Variants in OPCML observed in about 807,000 individuals in gnomAD.
OPCML encodes opioid binding protein/cell adhesion molecule like.
In OPCML, 13 loss-of-function variants were observed where a neutral mutation model predicts 37.8. That is an observed-to-expected ratio of 0.34 (90% CI 0.22 to 0.55). OPCML has a LOEUF of 0.55. OPCML is among the 20% of genes least tolerant of loss of function. The pLI, the probability that OPCML is intolerant of heterozygous loss-of-function variation, is 0.91. For synonymous variants in OPCML, 176 were observed against 168.8 expected (o/e 1.04, Z -0.33); for missense variants, 341 against 435.6 (o/e 0.78, Z 1.93).
chr11:132,825,142 T>C (rs1344884648), intron 2 of OPCML, among the ~76,000 whole-genome samples: 1 of 152,256 alleles, frequency 6.6e-6, no homozygotes, highest in Non-Finnish European at 1.5e-5. Flanking sequence ...ATGAACCTCA[T>C]GATGGTAGTC....
At chr11:132,456,678 G>A (rs60761902) in intron 4 of OPCML, among the ~76,000 whole-genome samples, 1 of 152,232 alleles carries the variant, frequency 6.6e-6, no homozygotes, top group African/African-American at 2.4e-5. Context: ...AAGGCATCAG[G>A]TGTGGGAGAA....
At chr11:132,756,077 G>C (rs1946032395) in intron 2 of OPCML, among the ~76,000 whole-genome samples, 1 of 152,206 alleles carries the variant, frequency 6.6e-6, no homozygotes. Context: ...CAGTTGCTGT[G>C]CTCCAAACTC....
chr11:133,510,574 T>C (rs528968085), intron 1 of OPCML, among the ~76,000 whole-genome samples: 2 of 152,314 alleles, frequency 1.3e-5, no homozygotes, highest in African/African-American at 4.8e-5. Context: ...ATGGAATCTG[T>C]ACTTTAATAG....
At chr11:132,700,861 T>A (rs914978214) in intron 2 of OPCML, among the ~76,000 whole-genome samples, 1 of 152,166 alleles carries the variant, frequency 6.6e-6, no homozygotes, top group Non-Finnish European at 1.5e-5. Context: ...GGATGATCTA[T>A]CTATCGTTGA....
rs1458760864 is a variant in OPCML, at chr11:132,951,707, G to A, written c.62-8697C>T. 2.0e-5 allele frequency among the ~76,000 whole-genome samples: 3 copies of A among 152,326 alleles called. No individual in the cohort carries two copies. In the East Asian group the frequency reaches 5.8e-4, roughly 29 times the overall value. On this transcript the variant is annotated intron_variant, in intron 1 of 7. Coordinates refer to ENST00000524381, the MANE Select transcript of OPCML (RefSeq NM_001012393.5). The stretch of plus-strand genomic sequence containing the variant: ...CAAGTTTCTTCTCTGAAGTATCTCT[G>A]TGGGCAGATAAGCTGTACAGAGCAA...
At chr11:133,003,934 T>G in intron 1 of OPCML, 1 of 985,426 alleles carries the variant, frequency 1.0e-6, no homozygotes, top group Non-Finnish European at 1.2e-6. Flanking sequence ...TCACACAGGC[T>G]GGCAGCACCC....
At chr11:132,514,116 T>C (rs561929508) in intron 4 of OPCML, among the ~76,000 whole-genome samples, 2 of 152,348 alleles carry the variant, frequency 1.3e-5, no homozygotes, top group South Asian at 2.1e-4. Flanking sequence ...TACTTGCTTA[T>C]TTATTTTTGT....
chr11:133,128,394 G>A (rs1363978842), intron 1 of OPCML, among the ~76,000 whole-genome samples: 1 of 152,054 alleles, frequency 6.6e-6, no homozygotes, highest in Non-Finnish European at 1.5e-5. Flanking sequence ...GTAAAAAGTA[G>A]GAGGGATGAA....
In OPCML at chr11:133,036,894, A is replaced by G. The variant is rs573951243; in HGVS notation, c.62-93884T>C. Among the ~76,000 whole-genome samples, 5 of 152,144 alleles carry G rather than the reference A, an allele frequency of 3.3e-5. No homozygotes were observed. In the East Asian group the frequency reaches 9.7e-4, roughly 29 times the overall value. ...CATCTATTCCTCCTTCTCTTTCATAATCCATTTGCTGCACTTCACTCCCTC... is the reference window on the plus strand; with the variant it reads ...CATCTATTCCTCCTTCTCTTTCATAGTCCATTTGCTGCACTTCACTCCCTC... On this transcript the variant is annotated intron_variant, in intron 1 of 7. Transcript: ENST00000524381.
At chr11:133,325,660 A>G (rs1943433234) in intron 1 of OPCML, among the ~76,000 whole-genome samples, 1 of 152,178 alleles carries the variant, frequency 6.6e-6, no homozygotes. Flanking sequence ...TGTCCTAAGA[A>G]CCCATTATCA....
chr11:132,551,719 C>G (rs2096382070), intron 3 of OPCML, among the ~76,000 whole-genome samples: 1 of 152,152 alleles, frequency 6.6e-6, no homozygotes, highest in Non-Finnish European at 1.5e-5. Context: ...ATCTTCGACA[C>G]AATTTGTCAG....
intron 3 of OPCML, among the ~76,000 whole-genome samples, chr11:132,607,924 A>T (rs1246177452): frequency 1.3e-5 from 2 of 152,184 alleles, no homozygotes; most frequent in African/African-American, 4.8e-5. Context: ...TAGAGGAAAT[A>T]AGAGCAAGTG....
At chr11:132,533,373 G>A (rs2137317429) in intron 3 of OPCML, among the ~76,000 whole-genome samples, 1 of 152,266 alleles carries the variant, frequency 6.6e-6, no homozygotes, top group South Asian at 2.1e-4. Context: ...TAGAAATATA[G>A]CAAGACAGAT....
intron 1 of OPCML, among the ~76,000 whole-genome samples, chr11:133,076,561 G>A (rs959441): frequency 2.6e-5 from 4 of 152,098 alleles, no homozygotes; most frequent in Non-Finnish European, 4.4e-5. Flanking sequence ...CGCAAGCGGC[G>A]GTCCAGACTT....
chr11:133,457,344 C>T (rs1436500212), intron 1 of OPCML, among the ~76,000 whole-genome samples: 1 of 152,058 alleles, frequency 6.6e-6, no homozygotes, highest in Non-Finnish European at 1.5e-5. Flanking sequence ...CTAGCCTGGG[C>T]AGCATAGTGA....
At chr11:132,556,788 C>G (rs1472884639) in intron 3 of OPCML, among the ~76,000 whole-genome samples, 2 of 152,160 alleles carry the variant, frequency 1.3e-5, no homozygotes, top group Non-Finnish European at 2.9e-5. Flanking sequence ...CCTCTCCAAA[C>G]CTACTCCTGA....
intron 1 of OPCML, among the ~76,000 whole-genome samples, chr11:133,493,660 G>T (rs1361772022): frequency 6.6e-6 from 1 of 151,878 alleles, no homozygotes; most frequent in African/African-American, 2.4e-5. Context: ...CATCATTGCA[G>T]TCATCTTAAT....
chr11:132,872,666 A>C (rs916205376), intron 2 of OPCML, among the ~76,000 whole-genome samples: 1 of 152,188 alleles, frequency 6.6e-6, no homozygotes, highest in African/African-American at 2.4e-5. Context: ...GATGTAAAAG[A>C]TATGAGACTC....
intron 2 of OPCML, among the ~76,000 whole-genome samples, chr11:132,821,404 G>A (rs1939978230): frequency 6.6e-6 from 1 of 152,176 alleles, no homozygotes; most frequent in South Asian, 2.1e-4. Context: ...GGAGGGCAGA[G>A]ACCAGAGCCA....
Sources: gnomAD v4.1 joint callset for allele counts (sites outside exome capture counted in the v4.1 genomes callset) on GRCh38, gnomAD v4.1.1 for gene constraint, MANE v1.5 for transcripts, NCBI Gene and HGNC (gene_info 2026-07-23, HGNC 2026-07-21) for gene names.